SLC35F3: variants seen among roughly 807,000 people sequenced by gnomAD.
SLC35F3 encodes solute carrier family 35 member F3, also known as putative thiamine transporter SLC35F3.
In SLC35F3, 25 loss-of-function variants were observed where a neutral mutation model predicts 49.9. That is an observed-to-expected ratio of 0.50 (90% CI 0.37 to 0.70). The LOEUF (loss-of-function observed/expected upper bound fraction) is 0.70. Ranked by LOEUF, SLC35F3 falls within the 30% of genes least tolerant of loss-of-function variation. The probability of loss-of-function intolerance (pLI) is 0.00; values close to 1 mark genes in which losing one functional copy is unlikely to be tolerated. For missense variants in SLC35F3, 525 were observed against 639.8 expected, an observed-to-expected ratio of 0.82 and a Z score of 1.94; for synonymous variants, 275 against 265.4, an observed-to-expected ratio of 1.04 and a Z score of -0.35.
At chr1:234,069,499 C>T (rs1388095403) in intron 2 of SLC35F3, among the ~76,000 whole-genome samples, 6 of 152,070 alleles carry the variant, frequency 3.9e-5, no homozygotes, top group Non-Finnish European at 7.4e-5. Flanking sequence ...TCATGATCCA[C>T]CCGCCTCAGC....
At chr1:234,065,090 T>C (rs1330208339) in intron 2 of SLC35F3, among the ~76,000 whole-genome samples, 1 of 152,148 alleles carries the variant, frequency 6.6e-6, no homozygotes, top group Non-Finnish European at 1.5e-5. Flanking sequence ...CTTACAGTGC[T>C]CATGGTTCTA....
At chr1:233,972,749 G>A (rs1663016722) in intron 2 of SLC35F3, among the ~76,000 whole-genome samples, 1 of 152,226 alleles carries the variant, frequency 6.6e-6, no homozygotes, top group African/African-American at 2.4e-5. Flanking sequence ...TTACTTGGGT[G>A]TATGAGGCAT....
At chr1:234,089,084 T>G (rs1417315166) in intron 2 of SLC35F3, among the ~76,000 whole-genome samples, 1 of 152,190 alleles carries the variant, frequency 6.6e-6, no homozygotes, top group Non-Finnish European at 1.5e-5. Flanking sequence ...TAATCGTTTA[T>G]GCACAAAGAA....
At chr1:233,970,661 C>G (rs1247430759) in intron 2 of SLC35F3, among the ~76,000 whole-genome samples, 6 of 152,122 alleles carry the variant, frequency 3.9e-5, no homozygotes, top group Non-Finnish European at 8.8e-5. Flanking sequence ...GGGCCCCAAT[C>G]CAATAGGCCT....
chr1:234,129,951 T>C (rs1665710166), intron 2 of SLC35F3, among the ~76,000 whole-genome samples: 1 of 152,126 alleles, frequency 6.6e-6, no homozygotes, highest in South Asian at 2.1e-4. Context: ...GCTAATACTA[T>C]AAAACCTCCA....
intron 2 of SLC35F3, among the ~76,000 whole-genome samples, chr1:234,016,623 A>G (rs991649489): frequency 6.6e-5 from 10 of 152,228 alleles, no homozygotes; most frequent in African/African-American, 2.4e-4. Context: ...GATGGTTACC[A>G]GAGGCTGGAG....
At chr1:234,264,885 C>T (rs1297174871) in intron 3 of SLC35F3, among the ~76,000 whole-genome samples, 1 of 152,172 alleles carries the variant, frequency 6.6e-6, no homozygotes, top group Non-Finnish European at 1.5e-5. Context: ...ACACTTGAAC[C>T]CTCCTTATTG....
chr1:234,068,432 T>G (rs1236789063), intron 2 of SLC35F3, among the ~76,000 whole-genome samples: 1 of 152,126 alleles, frequency 6.6e-6, no homozygotes, highest in Non-Finnish European at 1.5e-5. Flanking sequence ...ATTCACAGTC[T>G]GTAACAGAAG....
At position 234,214,451 on chromosome 1, in the gene SLC35F3, A is replaced by C; in HGVS notation, c.284-16966A>C. ...GGAGAGACGCGCTCCAGCCGGCCCC[A>C]GGATGTAGGCGATCGGCGGCAGCGC... On this transcript the variant is annotated intron_variant, in intron 2 of 7. Transcript: ENST00000366618. The surrounding 1 kb of genome is among the most constrained non-coding windows in gnomAD (Gnocchi z 8.0). 1.3e-6 allele frequency: 2 copies of C among 1,502,788 alleles called. No homozygotes were observed. The highest frequency in any genetic ancestry group is 5.7e-5 in the East Asian group (2 of 35,188). 93.1% of individuals were successfully genotyped at this position (1,502,788 alleles called of 1,614,324 possible). A position where few individuals can be genotyped will look rare whatever the true frequency, so the allele number is the denominator to read the frequency against.
intron 2 of SLC35F3, among the ~76,000 whole-genome samples, chr1:234,032,525 CG>C (rs1664079386): frequency 6.6e-6 from 1 of 152,256 alleles, no homozygotes; most frequent in South Asian, 2.1e-4. Context: ...CACTTCCCCC[CG>C]ATCCCCAAAG....
At chr1:233,959,458 C>A (rs1662757848) in intron 2 of SLC35F3, among the ~76,000 whole-genome samples, 1 of 152,102 alleles carries the variant, frequency 6.6e-6, no homozygotes, top group African/African-American at 2.4e-5. Context: ...CATGGGGTAG[C>A]AGGCATAGGG....
chr1:234,159,695 A>G (rs1572074793), intron 2 of SLC35F3, among the ~76,000 whole-genome samples: 1 of 152,130 alleles, frequency 6.6e-6, no homozygotes, highest in Admixed American at 6.5e-5. Flanking sequence ...TTGTAATCTC[A>G]TAATCAAAAT....
intron 2 of SLC35F3, among the ~76,000 whole-genome samples, chr1:234,165,412 G>A (rs920034995): frequency 2.0e-5 from 3 of 152,142 alleles, no homozygotes; most frequent in Non-Finnish European, 2.9e-5. Flanking sequence ...CAAATTTTTT[G>A]TAGAGAGAGA....
At chr1:234,130,319 T>C (rs12098001) in intron 2 of SLC35F3, among the ~76,000 whole-genome samples, 58,472 of 151,848 alleles carry the variant, frequency 0.39, 13,228 homozygotes, top group Non-Finnish European at 0.52. Context: ...TTTATACCAC[T>C]ACACACCCAC....
At chr1:234,092,711 T>A (rs1665062182) in intron 2 of SLC35F3, among the ~76,000 whole-genome samples, 2 of 151,870 alleles carry the variant, frequency 1.3e-5, no homozygotes, top group Non-Finnish European at 2.9e-5. Context: ...CTGCAAAAAT[T>A]TAAAAATTAG....
chr1:233,904,684 G>A lies in SLC35F3; in HGVS notation c.-394G>A. ...TGGCCCCTGTGCGCCCCGACCCGAC[G>A]CCTCCCCGCCCGACCAGGTGCCTCG... is the stretch of plus-strand genomic sequence containing the variant. On this transcript the variant is annotated 5_prime_UTR_variant, in exon 1 of 8. Transcript: ENST00000366618. Among the ~76,000 whole-genome samples, 1 of 151,802 alleles carries A rather than the reference G, an allele frequency of 6.6e-6. No individual in the cohort carries two copies. The highest frequency in any genetic ancestry group is 1.9e-4 in the East Asian group (1 of 5,144).
chr1:234,199,632 C>T (rs1431395428), intron 2 of SLC35F3, among the ~76,000 whole-genome samples: 2 of 152,126 alleles, frequency 1.3e-5, no homozygotes, highest in African/African-American at 4.8e-5. Flanking sequence ...AAAGCAAAAA[C>T]AGTCATATGG....
Position 234,112,451 on chromosome 1 carries a change from GTT to G in SLC35F3, c.284-118964_284-118963del, listed in dbSNP as rs1365146573. Among the ~76,000 whole-genome samples the G allele has an allele frequency of 2.6e-5, 4 of 151,750 alleles. No individual in the cohort carries two copies. In the East Asian group the frequency reaches 7.8e-4, roughly 29 times the overall value. ...TTTCTCTCATGTGACTCATATCAGAGTTTATCTTCTACCCCGTATTTCCAAAA... is the reference window on the plus strand; with the variant it reads ...TTTCTCTCATGTGACTCATATCAGAGTATCTTCTACCCCGTATTTCCAAAA... On this transcript the variant is annotated intron_variant, in intron 2 of 7. Transcript: ENST00000366618.
intron 3 of SLC35F3, among the ~76,000 whole-genome samples, chr1:234,282,315 G>A (rs753733903): frequency 7.2e-5 from 11 of 152,292 alleles, no homozygotes; most frequent in Middle Eastern, 3.4e-3. Flanking sequence ...TGTGTGAGCC[G>A]TGTGAGCCTC....
Sources: gnomAD v4.1 joint callset for allele counts (sites outside exome capture counted in the v4.1 genomes callset) on GRCh38, gnomAD v4.1.1 for gene constraint, Gnocchi (gnomAD v3.1) non-coding constraint, MANE v1.5 for transcripts, NCBI Gene and HGNC (gene_info 2026-07-23, HGNC 2026-07-21) for gene names.